CMTM8: variants seen among roughly 807,000 people sequenced by gnomAD.
The protein encoded by CMTM8 is CKLF-like MARVEL transmembrane domain-containing protein 8.
Under a neutral mutation model 18.6 loss-of-function variants are expected in CMTM8, and 12 were observed. The ratio of observed to expected loss-of-function variants is 0.65; its 90% confidence interval spans 0.41 to 1.05. The LOEUF (loss-of-function observed/expected upper bound fraction) is 1.05. CMTM8 is among the 50% of genes least tolerant of loss of function. The pLI is 0.00. For synonymous variants in CMTM8, 87 were observed against 90.6 expected, an observed-to-expected ratio of 0.96 and a Z score of 0.23; for missense variants, 217 against 227.2, an observed-to-expected ratio of 0.95 and a Z score of 0.29.
intron 2 of CMTM8, among the ~76,000 whole-genome samples, chr3:32,361,286 G>GTTTGTTTTTTTTT (rs140270969): frequency 4.0e-4 from 35 of 87,258 alleles, no homozygotes; most frequent in South Asian, 1.4e-3. Flanking sequence ...CAGCCTAAGA[G>GTTTGTTTTTTTTT]TTTTTTTTTC....
chr3:32,274,367 A>G (rs541810490), intron 1 of CMTM8, among the ~76,000 whole-genome samples: 1 of 152,264 alleles, frequency 6.6e-6, no homozygotes, highest in South Asian at 2.1e-4. Context: ...AGTCTGTCAC[A>G]GTGCTAGAAA....
At chr3:32,315,077 G>A (rs1432067602) in intron 1 of CMTM8, among the ~76,000 whole-genome samples, 1 of 151,916 alleles carries the variant, frequency 6.6e-6, no homozygotes, top group Non-Finnish European at 1.5e-5. Context: ...AAGTGCTGTG[G>A]GGAAACAAAG....
At chr3:32,243,471 C>T (rs1473730345) in intron 1 of CMTM8, among the ~76,000 whole-genome samples, 1 of 145,790 alleles carries the variant, frequency 6.9e-6, no homozygotes, top group East Asian at 2.0e-4. Context: ...GTCGAGGTTG[C>T]AGTGAGCTGG....
chr3:32,295,948 G>T (rs987635198), intron 1 of CMTM8, among the ~76,000 whole-genome samples: 1 of 151,972 alleles, frequency 6.6e-6, no homozygotes, highest in African/African-American at 2.4e-5. Context: ...TATTCCACTT[G>T]CCTGTAATGG....
At chr3:32,362,003 G>T (rs6777441) in intron 2 of CMTM8, among the ~76,000 whole-genome samples, 1 of 146,686 alleles carries the variant, frequency 6.8e-6, no homozygotes, top group Non-Finnish European at 1.5e-5. Flanking sequence ...GAGCAGAGAT[G>T]TTTGTCTCCT....
At chr3:32,259,937 C>A in intron 1 of CMTM8, 2 of 1,136,116 alleles carry the variant, frequency 1.8e-6, no homozygotes, top group Non-Finnish European at 2.6e-6. Flanking sequence ...CTACACCCTG[C>A]AGATAGAGCA....
At chr3:32,311,524 T>C (rs1695818870) in intron 1 of CMTM8, among the ~76,000 whole-genome samples, 1 of 152,214 alleles carries the variant, frequency 6.6e-6, no homozygotes, top group Non-Finnish European at 1.5e-5. Context: ...TTTTCACCTT[T>C]GTGGACCCTT....
intron 1 of CMTM8, among the ~76,000 whole-genome samples, chr3:32,335,862 T>A (rs1696375861): frequency 6.6e-6 from 1 of 152,082 alleles, no homozygotes; most frequent in Non-Finnish European, 1.5e-5. Flanking sequence ...GGGCGGGAGA[T>A]CAGAACTCTC....
intron 1 of CMTM8, among the ~76,000 whole-genome samples, chr3:32,318,516 C>T (rs930065410): frequency 1.2e-4 from 18 of 151,394 alleles, no homozygotes; most frequent in East Asian, 3.9e-4. Context: ...TGTGAAACTG[C>T]GCACAATAAA....
intron 1 of CMTM8, among the ~76,000 whole-genome samples, chr3:32,273,711 A>T (rs1002551927): frequency 6.6e-5 from 10 of 152,138 alleles, no homozygotes; most frequent in Non-Finnish European, 1.5e-4. Flanking sequence ...GCTATTGCTG[A>T]TAGATATGGA....
chr3:32,310,860 T>C (rs1035196628), intron 1 of CMTM8, among the ~76,000 whole-genome samples: 1 of 152,248 alleles, frequency 6.6e-6, no homozygotes, highest in African/African-American at 2.4e-5. Flanking sequence ...ACACCTATGC[T>C]GCTATAATTT....
chr3:32,368,108 A>G (rs149637058), intron 3 of CMTM8, 120 bp downstream of exon 3: 3 of 708,770 alleles, frequency 4.2e-6, no homozygotes, highest in Non-Finnish European at 7.5e-6. Context: ...CAAATTAGCA[A>G]TTGGCTTATT....
intron 1 of CMTM8, among the ~76,000 whole-genome samples, chr3:32,314,502 C>A (rs1345180877): frequency 6.7e-6 from 1 of 149,256 alleles, no homozygotes; most frequent in Non-Finnish European, 1.5e-5. Flanking sequence ...TTTTTAAAGA[C>A]AGAGTCTCAC....
intron 1 of CMTM8, among the ~76,000 whole-genome samples, chr3:32,353,677 G>T (rs1242971325): frequency 1.3e-5 from 2 of 152,148 alleles, no homozygotes; most frequent in African/African-American, 4.8e-5. Context: ...TGCAAGGAAA[G>T]AGGCCAGAAA....
At chr3:32,248,850 T>G (rs1160892330) in intron 1 of CMTM8, among the ~76,000 whole-genome samples, 2 of 151,808 alleles carry the variant, frequency 1.3e-5, no homozygotes, top group Non-Finnish European at 2.9e-5. Context: ...GTTTAATTTT[T>G]TGTAGAGACA....
chr3:32,312,142 T>G (rs146660789), intron 1 of CMTM8, among the ~76,000 whole-genome samples: 1 of 152,260 alleles, frequency 6.6e-6, no homozygotes, highest in African/African-American at 2.4e-5. Flanking sequence ...TTATAGCTAT[T>G]TGTGGCGTCA....
In CMTM8 at chr3:32,316,861, A is replaced by G. The variant is rs140292078; in HGVS notation, c.148-40512A>G. ...CTGACTGTTCGTAAGTCCAGACTTG[A>G]AAGTCAATTTGCCAATATGGTAGAT... On this transcript the variant is annotated intron_variant, in intron 1 of 3. Transcript: ENST00000307526. 1.6e-3 allele frequency among the ~76,000 whole-genome samples: 251 copies of G among 152,368 alleles called. 1 individual carries two copies. Among genetic ancestry groups the G allele is most frequent in the African/African-American group, 5.5e-3 (227 of 41,582 alleles).
At chr3:32,298,636 C>T (rs1042873375) in intron 1 of CMTM8, among the ~76,000 whole-genome samples, 4 of 150,782 alleles carry the variant, frequency 2.7e-5, no homozygotes, top group Non-Finnish European at 4.4e-5. Context: ...CAGATTGCTG[C>T]TTTTTAAAAA....
chr3:32,342,838 G>A (rs1040422726), intron 1 of CMTM8, among the ~76,000 whole-genome samples: 1 of 152,208 alleles, frequency 6.6e-6, no homozygotes, highest in African/African-American at 2.4e-5. Flanking sequence ...CACCTCGCAA[G>A]CACTCTTGTG....
Sources: gnomAD v4.1 joint callset for allele counts (sites outside exome capture counted in the v4.1 genomes callset) on GRCh38, gnomAD v4.1.1 for gene constraint, MANE v1.5 for transcripts, NCBI Gene and HGNC (gene_info 2026-07-23, HGNC 2026-07-21) for gene names.